The following OOSP4A variants were observed in gnomAD, a reference collection of about 807,000 sequenced individuals.
The protein encoded by OOSP4A is oocyte secreted protein family member 4A.
chr11:59,964,445 G>A (rs1784847196), intron 1 of OOSP4A, among the ~76,000 whole-genome samples: 1 of 152,088 alleles, frequency 6.6e-6, no homozygotes, highest in South Asian at 2.1e-4. Flanking sequence ...ACTGCCCAGT[G>A]CCTAAGAGAG....
At chr11:59,966,931 A>C (rs1281797215) in intron 2 of OOSP4A, 136 bp from the exon 3 acceptor site, 5 of 370,032 alleles carry the variant, frequency 1.4e-5, no homozygotes, top group Non-Finnish European at 2.4e-5. Flanking sequence ...TAGACCGTGC[A>C]CTCATACCTA....
At chr11:59,965,908 A>G (rs1370905974) in intron 2 of OOSP4A, among the ~76,000 whole-genome samples, 195 bp downstream of exon 2, 1 of 152,242 alleles carries the variant, frequency 6.6e-6, no homozygotes, top group African/African-American at 2.4e-5. Flanking sequence ...TGGGATTCCA[A>G]AAACTGTGTG....
chr11:59,970,090 C>T, exon 5 of OOSP4A: 1 of 398,160 alleles, frequency 2.5e-6, no homozygotes. Flanking sequence ...GTATCCCTTC[C>T]TAAGTGTAAG....
In OOSP4A at chr11:59,967,080, GTA is replaced by G; in HGVS notation, c.262_263del (p.Ile88SerfsTer3). On this transcript the variant is annotated frameshift_variant, in exon 3 of 5. Coordinates refer to ENST00000645590, the Ensembl canonical transcript of OOSP4A. LOFTEE classifies it high-confidence loss of function. The stretch of plus-strand genomic sequence containing the variant: ...TTACACCTTTAGGAACATGGAGTAG[GTA>G]TTCTCATTGAAAGTTTAATTGTATA... 2.5e-6 allele frequency: 1 copy of G among 397,982 alleles called. No homozygotes were observed. The highest frequency in any genetic ancestry group is 3.6e-5 in the East Asian group (1 of 28,004). The allele number at this position is 397,982 out of a possible 1,614,324, so 24.7% of individuals were successfully genotyped here.
chr11:59,964,384 G>T (rs935323907), intron 1 of OOSP4A, among the ~76,000 whole-genome samples: 1 of 151,798 alleles, frequency 6.6e-6, no homozygotes, highest in Non-Finnish European at 1.5e-5. Context: ...AGACTAGCTT[G>T]TTACTTTGCT....
chr11:59,968,463 A>G (rs1668956158), intron 3 of OOSP4A, among the ~76,000 whole-genome samples: 1 of 152,148 alleles, frequency 6.6e-6, no homozygotes, highest in African/African-American at 2.4e-5. Flanking sequence ...TTTTATTCCA[A>G]TATCTTGACT....
chr11:59,965,644 T>G, exon 2 of OOSP4A: 1 of 398,586 alleles, frequency 2.5e-6, no homozygotes, highest in Non-Finnish European at 4.4e-6. Flanking sequence ...TTGGCTGTCC[T>G]GTAAACATGG....
At chr11:59,964,929 C>T (rs1419460782) in intron 1 of OOSP4A, among the ~76,000 whole-genome samples, 1 of 152,040 alleles carries the variant, frequency 6.6e-6, no homozygotes, top group Non-Finnish European at 1.5e-5. Context: ...AGATATATTT[C>T]AAACATGTAT....
intron 3 of OOSP4A, among the ~76,000 whole-genome samples, chr11:59,968,291 C>T (rs1019543006): frequency 4.6e-5 from 7 of 152,126 alleles, no homozygotes; most frequent in Admixed American, 6.6e-5. Context: ...AAGTGTATCT[C>T]GAATTATGGA....
At chr11:59,965,127 A>C (rs1854084650) in intron 1 of OOSP4A, among the ~76,000 whole-genome samples, 1 of 116,924 alleles carries the variant, frequency 8.6e-6, no homozygotes, top group African/African-American at 3.3e-5. Flanking sequence ...AACATCACAC[A>C]CCGGGGCCTG....
intron 4 of OOSP4A, among the ~76,000 whole-genome samples, chr11:59,969,685 C>T (rs943400492): frequency 6.6e-6 from 1 of 152,096 alleles, no homozygotes; most frequent in African/African-American, 2.4e-5. Flanking sequence ...CTCAAATGAG[C>T]CATAAGAATA....
At chr11:59,968,446 G>C (rs1423729283) in intron 3 of OOSP4A, among the ~76,000 whole-genome samples, 1 of 152,150 alleles carries the variant, frequency 6.6e-6, no homozygotes, top group African/African-American at 2.4e-5. Flanking sequence ...TTTCTGTCTT[G>C]GTTGTTTTTT....
At chr11:59,966,991 C>T (rs1334105058) in intron 2 of OOSP4A, 76 bp from the exon 3 acceptor site, 2 of 393,630 alleles carry the variant, frequency 5.1e-6, no homozygotes, top group Non-Finnish European at 8.9e-6. Context: ...TGTTTTTAAT[C>T]TATATTTTTA....
chr11:59,964,231 A>C (rs1854073097), intron 1 of OOSP4A, 132 bp downstream of exon 1: 1 of 392,714 alleles, frequency 2.5e-6, no homozygotes, highest in African/African-American at 2.1e-5. Flanking sequence ...GCTAATAACT[A>C]ATGATCGCAA....
In OOSP4A at chr11:59,966,630, C is replaced by T. The variant is rs370390740; in HGVS notation, c.247-437C>T. On this transcript the variant is annotated intron_variant, in intron 2 of 4. Transcript: ENST00000645590. ...AGCTGGGACTACAGGCATGCACCAC[C>T]ACACCTAACTAATTTTTGTATTTTT... 1.1e-4 allele frequency among the ~76,000 whole-genome samples: 16 copies of T among 152,266 alleles called. No individual in the cohort carries two copies. In the East Asian group the frequency reaches 2.5e-3, roughly 24 times the overall value.
In OOSP4A at chr11:59,966,926, C is replaced by T. The variant is rs967686629; in HGVS notation, c.247-141C>T. The T allele has an allele frequency of 1.8e-4, 64 of 363,862 alleles. 1 individual carries two copies. Among genetic ancestry groups the T allele is most frequent in the African/African-American group, 1.0e-3 (48 of 47,748 alleles). The allele number at this position is 363,862 out of a possible 1,614,324, so 22.5% of individuals were successfully genotyped here. ...TTAGCTCTGCTCTTCTATTGTAGAC[C>T]GTGCACTCATACCTATTTTATTTCA... On this transcript the variant is annotated intron_variant, in intron 2 of 4. Transcript: ENST00000645590.
chr11:59,967,514 G>A (rs1486610270), intron 3 of OOSP4A, among the ~76,000 whole-genome samples: 1 of 152,002 alleles, frequency 6.6e-6, no homozygotes, highest in East Asian at 1.9e-4. Context: ...TTAAGTTTTT[G>A]TGCAAACCAT....
chr11:59,969,363 G>T, intron 4 of OOSP4A, 79 bp downstream of exon 4: 1 of 396,834 alleles, frequency 2.5e-6, no homozygotes, highest in South Asian at 1.4e-4. Context: ...TAAGGTGGTG[G>T]CATATGCCAC....
intron 2 of OOSP4A, among the ~76,000 whole-genome samples, chr11:59,966,546 G>A (rs1854101366): frequency 6.6e-6 from 1 of 151,776 alleles, no homozygotes; most frequent in African/African-American, 2.4e-5. Context: ...CACAATCTCG[G>A]CTCACTGCAA....
Sources: allele counts gnomAD v4.1 joint callset (sites outside exome capture counted in the v4.1 genomes callset), GRCh38; gene constraint gnomAD v4.1.1; transcripts MANE v1.5; gene names NCBI Gene and HGNC (gene_info 2026-07-23, HGNC 2026-07-21).